CNTN5: variants seen among roughly 807,000 people sequenced by gnomAD.
CNTN5 encodes the protein contactin 5.
Under a neutral mutation model 129.1 loss-of-function variants are expected in CNTN5, and 77 were observed. The ratio of observed to expected loss-of-function variants is 0.60; its 90% CI spans 0.50 to 0.72. The LOEUF is 0.72. CNTN5 is among the 30% of genes least tolerant of loss of function. The pLI, the probability that CNTN5 is intolerant of heterozygous loss-of-function variation, is 0.00. For synonymous variants in CNTN5, 509 were observed against 465.6 expected (o/e 1.09, Z -1.20); for missense variants, 1,478 against 1,328.8 (o/e 1.11, Z -1.75).
chr11:99,295,260 T>C (rs1256523842), intron 1 of CNTN5, among the ~76,000 whole-genome samples: 1 of 152,236 alleles, frequency 6.6e-6, no homozygotes, highest in Non-Finnish European at 1.5e-5. Flanking sequence ...AGTAGTATTT[T>C]CATTAATCCC....
intron 2 of CNTN5, among the ~76,000 whole-genome samples, chr11:99,408,326 A>C (rs1942186064): frequency 6.7e-6 from 1 of 149,174 alleles, no homozygotes; most frequent in African/African-American, 2.5e-5. Context: ...CAGCCTTCTG[A>C]GTGGCTAGGA....
At chr11:99,267,134 C>T (rs927154971) in intron 1 of CNTN5, among the ~76,000 whole-genome samples, 2 of 151,972 alleles carry the variant, frequency 1.3e-5, no homozygotes, top group African/African-American at 4.8e-5. Flanking sequence ...ACTGATACCA[C>T]GAAGCCAGCT....
intron 3 of CNTN5, among the ~76,000 whole-genome samples, chr11:99,693,797 A>G (rs953732007): frequency 6.6e-6 from 1 of 152,196 alleles, no homozygotes; most frequent in Admixed American, 6.5e-5. Flanking sequence ...TGACAACATG[A>G]AAGTTCAGCT....
At chr11:100,093,458 G>A (rs1007033983) in intron 13 of CNTN5, among the ~76,000 whole-genome samples, 4 of 151,788 alleles carry the variant, frequency 2.6e-5, no homozygotes, top group African/African-American at 9.7e-5. Flanking sequence ...ATACAGATGA[G>A]GTCTTGCTAT....
chr11:99,608,035 G>T (rs938800116), intron 3 of CNTN5, among the ~76,000 whole-genome samples: 1 of 144,618 alleles, frequency 6.9e-6, no homozygotes, highest in Non-Finnish European at 1.5e-5. Context: ...CACCAGCATG[G>T]CACATGTATA....
intron 3 of CNTN5, among the ~76,000 whole-genome samples, chr11:99,733,742 C>T (rs996996122): frequency 2.6e-5 from 4 of 152,266 alleles, no homozygotes; most frequent in Non-Finnish European, 2.9e-5. Context: ...ATAACACAGT[C>T]GCCAATTAAG....
At chr11:100,180,777 T>C (rs979051294) in intron 13 of CNTN5, among the ~76,000 whole-genome samples, 2 of 151,846 alleles carry the variant, frequency 1.3e-5, no homozygotes, top group African/African-American at 2.4e-5. Context: ...TCAACACTTA[T>C]CAGGAAAGTA....
At chr11:99,965,881 C>T (rs952119791) in intron 8 of CNTN5, among the ~76,000 whole-genome samples, 3 of 152,054 alleles carry the variant, frequency 2.0e-5, no homozygotes, top group South Asian at 2.1e-4. Flanking sequence ...TTGAAAAGTA[C>T]GTTCATAAGA....
At chr11:100,000,225 G>T (rs1225037428) in intron 8 of CNTN5, among the ~76,000 whole-genome samples, 1 of 152,032 alleles carries the variant, frequency 6.6e-6, no homozygotes, top group Non-Finnish European at 1.5e-5. Context: ...GACAAGAATA[G>T]TCCTTTCCAC....
intron 3 of CNTN5, among the ~76,000 whole-genome samples, chr11:99,813,687 G>C (rs545889148): frequency 2.6e-5 from 4 of 152,122 alleles, no homozygotes; most frequent in Non-Finnish European, 4.4e-5. Context: ...AGGAGACAAA[G>C]AACTAGAAAA....
rs33985126 is a variant in CNTN5, at chr11:99,236,469, AACACACAC to A, written c.-209-88855_-209-88848del. 4.7e-3 allele frequency among the ~76,000 whole-genome samples: 698 copies of A among 149,692 alleles called. 7 individuals are homozygous for A. The highest frequency in any genetic ancestry group is 0.022 in the East Asian group (110 of 5,092). On this transcript the variant is annotated intron_variant, in intron 1 of 24. Coordinates refer to ENST00000524871, the MANE Select transcript of CNTN5 (RefSeq NM_014361.4). ...AACATTCTACACACACTCACACACA[AACACACAC>A]ACACACACACACACACACACAGAGA...
intron 3 of CNTN5, among the ~76,000 whole-genome samples, chr11:99,690,924 C>T (rs1485521402): frequency 6.6e-6 from 1 of 151,914 alleles, no homozygotes; most frequent in Non-Finnish European, 1.5e-5. Flanking sequence ...TTTATTACCA[C>T]CTTAATTTCA....
chr11:99,438,662 C>G (rs1316212630), intron 2 of CNTN5, among the ~76,000 whole-genome samples: 1 of 152,092 alleles, frequency 6.6e-6, no homozygotes, highest in Admixed American at 6.6e-5. Flanking sequence ...ACACTGTATA[C>G]AGTGATGTGT....
At chr11:100,015,420 G>T (rs1940772102) in intron 9 of CNTN5, among the ~76,000 whole-genome samples, 1 of 152,074 alleles carries the variant, frequency 6.6e-6, no homozygotes, top group South Asian at 2.1e-4. Context: ...ACCATCACTG[G>T]TGGCCCATTC....
chr11:100,063,307 G>A (rs915831191), intron 10 of CNTN5, among the ~76,000 whole-genome samples: 2 of 151,878 alleles, frequency 1.3e-5, no homozygotes, highest in African/African-American at 2.4e-5. Context: ...AAACAATCTG[G>A]GGTGTCGTTG....
At chr11:99,077,910 T>C (rs1003413593) in intron 1 of CNTN5, among the ~76,000 whole-genome samples, 1 of 152,136 alleles carries the variant, frequency 6.6e-6, no homozygotes. Flanking sequence ...CTTTCCTTTA[T>C]AAATTACCCA....
At chr11:99,869,878 A>T (rs1948457016) in intron 6 of CNTN5, among the ~76,000 whole-genome samples, 1 of 152,178 alleles carries the variant, frequency 6.6e-6, no homozygotes, top group African/African-American at 2.4e-5. Flanking sequence ...AAAATGTCAA[A>T]ATTAAAATTT....
intron 1 of CNTN5, among the ~76,000 whole-genome samples, chr11:99,205,398 C>T (rs932922678): frequency 1.3e-5 from 2 of 152,046 alleles, no homozygotes; most frequent in African/African-American, 2.4e-5. Context: ...CAGAGCTTAC[C>T]GAGACTTCCC....
At chr11:99,678,289 A>G (rs1591466635) in intron 3 of CNTN5, among the ~76,000 whole-genome samples, 2 of 152,224 alleles carry the variant, frequency 1.3e-5, no homozygotes, top group Admixed American at 6.5e-5. Context: ...GTTAAAACAT[A>G]AGCTAAAACC....
Sources: gnomAD v4.1 joint callset for allele counts (sites outside exome capture counted in the v4.1 genomes callset) on GRCh38, gnomAD v4.1.1 for gene constraint, MANE v1.5 for transcripts, NCBI Gene and HGNC (gene_info 2026-07-23, HGNC 2026-07-21) for gene names.